The following ACVR1 variants were observed in gnomAD, a reference collection of about 807,000 sequenced individuals.
ACVR1 encodes the protein activin A receptor type 1, also known as activin receptor type-1.
Under a neutral mutation model 57.1 loss-of-function variants are expected in ACVR1, and 38 were observed. The ratio of observed to expected loss-of-function variants is 0.67; its 90% CI spans 0.51 to 0.87. The LOEUF (loss-of-function observed/expected upper bound fraction) is 0.87, where lower values mean the gene tolerates loss of function less well. ACVR1 is among the 40% of genes least tolerant of loss of function. ACVR1 has a pLI of 0.00. For missense variants in ACVR1, 463 were observed against 638.2 expected, an observed-to-expected ratio of 0.73 and a Z score of 2.96; for synonymous variants, 212 against 228.1, an observed-to-expected ratio of 0.93 and a Z score of 0.63.
At chr2:157,855,362 T>G (rs1458682090) in intron 1 of ACVR1, among the ~76,000 whole-genome samples, 2 of 138,544 alleles carry the variant, frequency 1.4e-5, no homozygotes, top group Admixed American at 7.5e-5. Context: ...TAGCCGGACG[T>G]GGTGGCTTTC....
At chr2:157,815,051 T>C (rs1687884233) in intron 2 of ACVR1, among the ~76,000 whole-genome samples, 1 of 152,120 alleles carries the variant, frequency 6.6e-6, no homozygotes, top group Non-Finnish European at 1.5e-5. Context: ...ATGGCGCCAC[T>C]GCACTCCAGC....
In ACVR1 at chr2:157,770,525, CA is replaced by C. The variant is rs750368625; in HGVS notation, c.644-12del. On this transcript the variant is annotated splice_polypyrimidine_tract_variant and intron_variant, in intron 6 of 10. Coordinates refer to ENST00000434821, the MANE Select transcript of ACVR1 (RefSeq NM_001111067.4). The stretch of plus-strand genomic sequence containing the variant: ...CATACCTGCCTTTCCCTATGAAAAG[CA>C]AAACATAGGTGACACAGAACAGTAG... The C allele has an allele frequency of 2.5e-6, 4 of 1,613,798 alleles. No individual in the cohort carries two copies. In the South Asian group the frequency reaches 4.4e-5, roughly 18 times the overall value.
At chr2:157,751,836 C>T (rs1006277948) in intron 9 of ACVR1, among the ~76,000 whole-genome samples, 2 of 152,160 alleles carry the variant, frequency 1.3e-5, no homozygotes, top group Non-Finnish European at 2.9e-5. Flanking sequence ...TCACGCCTAA[C>T]CCTGCCCCTA....
intron 1 of ACVR1, among the ~76,000 whole-genome samples, chr2:157,868,742 G>C (rs1396947002): frequency 2.0e-5 from 3 of 152,130 alleles, no homozygotes; most frequent in Non-Finnish European, 4.4e-5. Flanking sequence ...GCCACTAATA[G>C]TTACATGTAT....
chr2:157,822,804 G>A (rs909922632), intron 1 of ACVR1, among the ~76,000 whole-genome samples: 3 of 152,116 alleles, frequency 2.0e-5, no homozygotes, highest in Non-Finnish European at 4.4e-5. Flanking sequence ...AACAGAGTCC[G>A]TATGGCTTGC....
chr2:157,776,310 T>C (rs1686285689), intron 5 of ACVR1, among the ~76,000 whole-genome samples: 1 of 152,238 alleles, frequency 6.6e-6, no homozygotes, highest in Non-Finnish European at 1.5e-5. Flanking sequence ...ATTAGTTATG[T>C]TAGCAGCTCT....
At chr2:157,854,070 T>A (rs566423946) in intron 1 of ACVR1, among the ~76,000 whole-genome samples, 58 of 152,222 alleles carry the variant, frequency 3.8e-4, no homozygotes, top group African/African-American at 1.3e-3. Flanking sequence ...ATGAATTCTC[T>A]TGAAGCCAGG....
chr2:157,868,864 G>C (rs1690026602), intron 1 of ACVR1, among the ~76,000 whole-genome samples: 1 of 152,144 alleles, frequency 6.6e-6, no homozygotes, highest in African/African-American at 2.4e-5. Context: ...ATAAATAAGG[G>C]ACAAAGAAGA....
chr2:157,866,349 G>C (rs12467194), intron 1 of ACVR1, among the ~76,000 whole-genome samples: 104,785 of 151,960 alleles, frequency 0.69, 40,110 homozygotes, highest in Non-Finnish European at 0.85. Context: ...GATCAAAAGG[G>C]AACCAAGTAG....
rs773936526 is a variant in ACVR1, at chr2:157,799,454, T to A, written c.40A>T (p.Ile14Phe). The A allele has an allele frequency of 1.2e-6, 2 of 1,611,610 alleles. No individual in the cohort carries two copies. Among genetic ancestry groups the A allele is most frequent in the East Asian group, 2.2e-5 (1 of 44,714 alleles). ...GVMILPVLIM[I>F]ALPSPSMEDE... is the part of the protein sequence containing the mutation. ...TCCATACTAGGGGAGGGGAGAGCAATCATGATAAGCACAGGAAGAATCATC... is the reference window on the plus strand; with the variant it reads ...TCCATACTAGGGGAGGGGAGAGCAAACATGATAAGCACAGGAAGAATCATC... Residue 14 changes from isoleucine (I) to phenylalanine (F), a missense_variant, in exon 3 of 11, where the codon ATT becomes TTT. Ile to Phe is a conservative substitution (Grantham distance 21). Transcript: ENST00000434821.
chr2:157,741,871 A>G (rs185813343), intron 9 of ACVR1, among the ~76,000 whole-genome samples: 1 of 152,192 alleles, frequency 6.6e-6, no homozygotes, highest in East Asian at 1.9e-4. Flanking sequence ...CCAGGAGGGA[A>G]GTGGGGCATG....
At position 157,812,916 on chromosome 2, in the gene ACVR1, T is replaced by C. The variant is rs376423268; in HGVS notation, c.-8+5469A>G. On this transcript the variant is annotated intron_variant, in intron 2 of 10. Transcript: ENST00000434821. Reference sequence around the variant, plus strand: ...AATAAGTGTCATGGGTCAAAGGATATAGAAAGTCTAGGGTTCAGATCAGTG... The same window carrying C: ...AATAAGTGTCATGGGTCAAAGGATACAGAAAGTCTAGGGTTCAGATCAGTG... Among the ~76,000 whole-genome samples the C allele has an allele frequency of 1.2e-4, 18 of 152,302 alleles. No homozygotes were observed. The East Asian group carries it at 3.1e-3, about 26-fold the overall frequency.
chr2:157,766,433 T>A (rs1685862203), intron 7 of ACVR1, among the ~76,000 whole-genome samples: 1 of 152,230 alleles, frequency 6.6e-6, no homozygotes. Context: ...AGTAATACTT[T>A]AAAAGATATT....
intron 8 of ACVR1, among the ~76,000 whole-genome samples, chr2:157,764,022 A>C (rs1685762161): frequency 6.6e-6 from 1 of 152,150 alleles, no homozygotes; most frequent in African/African-American, 2.4e-5. Context: ...CAAAACCAAG[A>C]GCCACCTCAA....
At chr2:157,774,001 A>C (rs1686173837) in intron 6 of ACVR1, 87 bp downstream of exon 6, 2 of 1,157,618 alleles carry the variant, frequency 1.7e-6, no homozygotes, top group Admixed American at 1.8e-5. Context: ...AGGTAACAAA[A>C]AGCAGATTTT....
At chr2:157,777,600 T>C (rs139599434) in intron 5 of ACVR1, among the ~76,000 whole-genome samples, 3 of 152,326 alleles carry the variant, frequency 2.0e-5, no homozygotes, top group East Asian at 1.9e-4. Context: ...CATGTTTCTA[T>C]TGGACAACAC....
intron 8 of ACVR1, among the ~76,000 whole-genome samples, chr2:157,764,185 T>C (rs1025422291): frequency 5.3e-5 from 8 of 151,788 alleles, no homozygotes; most frequent in Non-Finnish European, 8.8e-5. Context: ...GATCACACTA[T>C]ATATATATTT....
At chr2:157,870,286 T>A (rs929458162) in intron 1 of ACVR1, among the ~76,000 whole-genome samples, 1 of 152,112 alleles carries the variant, frequency 6.6e-6, no homozygotes, top group African/African-American at 2.4e-5. Flanking sequence ...GGAGGGCCTA[T>A]CAATATTCTT....
intron 9 of ACVR1, among the ~76,000 whole-genome samples, chr2:157,756,197 G>A (rs952981303): frequency 3.9e-5 from 6 of 152,098 alleles, no homozygotes; most frequent in Non-Finnish European, 4.4e-5. Flanking sequence ...TCTAAGATCT[G>A]AAACATAAAC....
Sources: gnomAD v4.1 joint callset for allele counts (sites outside exome capture counted in the v4.1 genomes callset) on GRCh38, gnomAD v4.1.1 for gene constraint, MANE v1.5 for transcripts, NCBI Gene and HGNC (gene_info 2026-07-23, HGNC 2026-07-21) for gene names.